CXCL13: variants seen among roughly 807,000 people sequenced by gnomAD.
CXCL13 encodes C-X-C motif chemokine ligand 13.
In CXCL13, 7 loss-of-function variants were observed where a neutral mutation model predicts 12.2. The observed-to-expected ratio is 0.57, with a 90% CI of 0.33 to 1.07. CXCL13 has a LOEUF of 1.07. Ranked by LOEUF, CXCL13 falls within the 50% of genes least tolerant of loss-of-function variation. The pLI is 0.04. For synonymous variants in CXCL13, 47 were observed against 42.4 expected, an observed-to-expected ratio of 1.11 and a Z score of -0.42; for missense variants, 113 against 127.4, an observed-to-expected ratio of 0.89 and a Z score of 0.55.
intron 1 of CXCL13, among the ~76,000 whole-genome samples, chr4:77,557,052 A>G (rs1349954225): frequency 1.3e-5 from 2 of 152,116 alleles, no homozygotes; most frequent in African/African-American, 2.4e-5. Context: ...GAGAGAGAGA[A>G]AAGAAAAATG....
In CXCL13 at chr4:77,608,207, G is replaced by A. The variant is rs369685601; in HGVS notation, c.197+372G>A. On this transcript the variant is annotated intron_variant, in intron 2 of 3. Coordinates refer to ENST00000682537, the MANE Select transcript of CXCL13 (RefSeq NM_001371558.1). ...TGTAATCCCAGCACTTTAGGAGGCC[G>A]AGGAGGGCGGATCACCTGAGGTCAG... Among the ~76,000 whole-genome samples, 470 of 152,222 alleles carry A rather than the reference G, an allele frequency of 3.1e-3. 3 individuals carry two copies. The highest frequency in any genetic ancestry group is 0.01 in the African/African-American group (425 of 41,548).
At chr4:77,529,438 A>G (rs1397385761) in intron 1 of CXCL13, among the ~76,000 whole-genome samples, 2 of 152,082 alleles carry the variant, frequency 1.3e-5, no homozygotes, top group African/African-American at 2.4e-5. Context: ...ATTTGTTTGT[A>G]TCCTCTTTTA....
At position 77,611,166 on chromosome 4, in the gene CXCL13, A is replaced by G. The variant is rs113780486; in HGVS notation, c.*127A>G. The stretch of plus-strand genomic sequence containing the variant: ...CATACAAATAAGCATGAGACTATGT[A>G]AAAATAACCTTGCAGAAGCTGATGG... On this transcript the variant is annotated 3_prime_UTR_variant, in exon 4 of 4. Coordinates refer to ENST00000682537, the MANE Select transcript of CXCL13 (RefSeq NM_001371558.1). The G allele has an allele frequency of 1.2e-4, 91 of 786,558 alleles. No homozygotes were observed. In the African/African-American group the frequency reaches 1.3e-3, roughly 11 times the overall value. The allele number at this position is 786,558 out of a possible 1,614,324, so 48.7% of individuals were successfully genotyped here.
chr4:77,522,751 T>A (rs1243018436), intron 1 of CXCL13, among the ~76,000 whole-genome samples: 1 of 151,910 alleles, frequency 6.6e-6, no homozygotes, highest in African/African-American at 2.4e-5. Flanking sequence ...ATCCTGTCAT[T>A]ATGATGTTAG....
intron 1 of CXCL13, among the ~76,000 whole-genome samples, chr4:77,527,623 C>G (rs1724799803): frequency 6.6e-6 from 1 of 151,222 alleles, no homozygotes; most frequent in Non-Finnish European, 1.5e-5. Flanking sequence ...CAGAGTGAGA[C>G]ACAGTCTCAG....
intron 1 of CXCL13, among the ~76,000 whole-genome samples, chr4:77,548,095 A>G (rs569896008): frequency 3.9e-5 from 6 of 152,304 alleles, no homozygotes; most frequent in Admixed American, 1.3e-4. Flanking sequence ...TTTATATAAA[A>G]GAAATAAAAC....
intron 1 of CXCL13, among the ~76,000 whole-genome samples, chr4:77,515,097 G>A (rs1560511569): frequency 6.6e-6 from 1 of 152,124 alleles, no homozygotes; most frequent in African/African-American, 2.4e-5. Flanking sequence ...TGTCAGGTTT[G>A]TCAAAGATCA....
chr4:77,551,531 C>T (rs188428293), intron 1 of CXCL13, among the ~76,000 whole-genome samples: 6 of 152,218 alleles, frequency 3.9e-5, no homozygotes, highest in South Asian at 2.1e-4. Context: ...CCTCTAGCTG[C>T]CTTTAAGTCT....
At chr4:77,565,818 A>AG (rs56807405) in intron 1 of CXCL13, among the ~76,000 whole-genome samples, 25 of 152,218 alleles carry the variant, frequency 1.6e-4, no homozygotes, top group Non-Finnish European at 2.1e-4. Context: ...GGAAAAAAAA[A>AG]TTGATGGAAG....
upstream of CXCL13, among the ~76,000 whole-genome samples, chr4:77,603,850 C>T (rs1726944779): frequency 6.6e-6 from 1 of 152,172 alleles, no homozygotes; most frequent in African/African-American, 2.4e-5. Flanking sequence ...CAGTATTTGG[C>T]CGAACCCTCT....
chr4:77,595,432 T>C (rs1458291181), intron 1 of CXCL13, among the ~76,000 whole-genome samples: 1 of 152,204 alleles, frequency 6.6e-6, no homozygotes, highest in African/African-American at 2.4e-5. Context: ...GCCTGCAAGA[T>C]AGTTTGCTCA....
chr4:77,594,446 G>A (rs1267507203), intron 1 of CXCL13, among the ~76,000 whole-genome samples: 1 of 152,172 alleles, frequency 6.6e-6, no homozygotes, highest in Non-Finnish European at 1.5e-5. Context: ...TGGTCAGGAA[G>A]TCCCCCAATA....
At chr4:77,577,903 A>T (rs998799155) in intron 1 of CXCL13, among the ~76,000 whole-genome samples, 3 of 152,096 alleles carry the variant, frequency 2.0e-5, no homozygotes, top group African/African-American at 4.8e-5. Context: ...CTCCTTTGAA[A>T]AAACCTCCTT....
At chr4:77,598,664 A>G (rs1006772371) in intron 1 of CXCL13, among the ~76,000 whole-genome samples, 2 of 152,220 alleles carry the variant, frequency 1.3e-5, no homozygotes, top group Admixed American at 1.3e-4. Context: ...AATATAGTAG[A>G]GTGGCAGGTT....
rs144574550 is a variant in CXCL13, at chr4:77,549,959, G to C, written c.-43+38171G>C. Among the ~76,000 whole-genome samples the C allele has an allele frequency of 7.2e-3, 1,101 of 152,344 alleles. 22 individuals are homozygous for C. Among genetic ancestry groups the C allele is most frequent in the East Asian group, 0.027 (142 of 5,182 alleles). ...CCTGCCCCCAGAGGTGGAGTCTACAGAGGCAGGCAGACCTCCTTGAGCTGT... is the reference window on the plus strand; with the variant it reads ...CCTGCCCCCAGAGGTGGAGTCTACACAGGCAGGCAGACCTCCTTGAGCTGT... On this transcript the variant is annotated intron_variant, in intron 1 of 4. Transcript: ENST00000286758.
At chr4:77,517,765 T>C (rs1025700052) in intron 1 of CXCL13, among the ~76,000 whole-genome samples, 2 of 152,240 alleles carry the variant, frequency 1.3e-5, no homozygotes, top group African/African-American at 2.4e-5. Flanking sequence ...TTATCCAATT[T>C]GCCAGTCTGT....
chr4:77,591,410 G>T (rs1313973155), intron 1 of CXCL13, among the ~76,000 whole-genome samples: 2 of 151,818 alleles, frequency 1.3e-5, no homozygotes, highest in African/African-American at 4.8e-5. Flanking sequence ...AATTAGCCAG[G>T]CGTGGTGGCA....
intron 1 of CXCL13, among the ~76,000 whole-genome samples, chr4:77,586,889 T>G (rs542966687): frequency 6.6e-6 from 1 of 152,276 alleles, no homozygotes; most frequent in South Asian, 2.1e-4. Context: ...AAATGAAGTA[T>G]AGTTTGACCC....
At chr4:77,594,334 G>C (rs188547265) in intron 1 of CXCL13, among the ~76,000 whole-genome samples, 6 of 152,168 alleles carry the variant, frequency 3.9e-5, no homozygotes, top group Admixed American at 3.9e-4. Flanking sequence ...TCAAGCCCAG[G>C]GCAAAGGTCC....
Sources: gnomAD v4.1 joint callset for allele counts (sites outside exome capture counted in the v4.1 genomes callset) on GRCh38, gnomAD v4.1.1 for gene constraint, MANE v1.5 for transcripts, NCBI Gene and HGNC (gene_info 2026-07-23, HGNC 2026-07-21) for gene names.